The following PACRG variants were observed in gnomAD, a reference collection of about 807,000 sequenced individuals.
PACRG encodes parkin coregulated, also known as parkin coregulated gene protein.
PACRG carries 29 observed loss-of-function variants against 29.7 expected under a neutral mutation model. The ratio of observed to expected loss-of-function variants is 0.98; its 90% confidence interval spans 0.73 to 1.33. The LOEUF (loss-of-function observed/expected upper bound fraction) is 1.33. Ranked by LOEUF, PACRG falls within the 40% of genes most tolerant of loss-of-function variation. PACRG has a pLI of 0.00. For synonymous variants in PACRG, 116 were observed against 118.7 expected, an observed-to-expected ratio of 0.98 and a Z score of 0.15; for missense variants, 279 against 316.2, an observed-to-expected ratio of 0.88 and a Z score of 0.89.
At chr6:162,747,174 G>A (rs1265798593) in intron 1 of PACRG, among the ~76,000 whole-genome samples, 2 of 150,974 alleles carry the variant, frequency 1.3e-5, no homozygotes, top group Non-Finnish European at 2.9e-5. Flanking sequence ...TGCCAGCACG[G>A]CTAGAATATA....
intron 1 of PACRG, among the ~76,000 whole-genome samples, chr6:162,808,743 A>G (rs1786577398): frequency 6.6e-6 from 1 of 152,126 alleles, no homozygotes; most frequent in Admixed American, 6.5e-5. Context: ...GATTGCCCCT[A>G]CCATTCAGGC....
intron 2 of PACRG, among the ~76,000 whole-genome samples, chr6:162,981,431 C>T (rs953796288): frequency 4.0e-5 from 6 of 151,820 alleles, no homozygotes; most frequent in African/African-American, 1.5e-4. Flanking sequence ...GTTTTCATGA[C>T]TATGGCCTTA....
chr6:163,195,229 T>C (rs1780397569), intron 4 of PACRG, among the ~76,000 whole-genome samples: 1 of 152,250 alleles, frequency 6.6e-6, no homozygotes, highest in Admixed American at 6.5e-5. Flanking sequence ...ATTTGATTGT[T>C]CTCACATTTC....
intron 4 of PACRG, among the ~76,000 whole-genome samples, chr6:163,231,089 C>G (rs7744516): frequency 0.012 from 1,893 of 152,336 alleles, 41 homozygotes; most frequent in African/African-American, 0.042. Flanking sequence ...AACAGGGGCT[C>G]TCAAGATAGG....
chr6:163,101,428 GTCTT>G, intron 4 of PACRG: 12 of 946,392 alleles, frequency 1.3e-5, no homozygotes, highest in Non-Finnish European at 1.5e-5. Flanking sequence ...GTTTGTATGA[GTCTT>G]TATTTATTAT....
intron 2 of PACRG, among the ~76,000 whole-genome samples, chr6:162,833,429 C>T (rs1788948820): frequency 6.6e-6 from 1 of 152,072 alleles, no homozygotes; most frequent in South Asian, 2.1e-4. Context: ...TTCCCCTTGC[C>T]TTGATAACTT....
chr6:163,137,672 C>T (rs1816991122), intron 4 of PACRG, among the ~76,000 whole-genome samples: 1 of 152,210 alleles, frequency 6.6e-6, no homozygotes, highest in Non-Finnish European at 1.5e-5. Flanking sequence ...GCAATAATAG[C>T]TGGTGTTTCT....
Position 163,198,906 on chromosome 6 carries a change from G to T in PACRG, c.613+109498G>T, listed in dbSNP as rs184453987. On this transcript the variant is annotated intron_variant, in intron 4 of 4. Transcript: ENST00000366888. ...AAGTACACTGGTTTGGTCTGAAAAG[G>T]CAGGACAACTTGAAGCAAAGGCAGG... Among the ~76,000 whole-genome samples the T allele has an allele frequency of 3.3e-5, 5 of 152,252 alleles. No individual in the cohort carries two copies. In the East Asian group the frequency reaches 9.7e-4, roughly 29 times the overall value.
intron 2 of PACRG, among the ~76,000 whole-genome samples, chr6:163,059,219 G>A (rs1810889690): frequency 6.6e-6 from 1 of 152,048 alleles, no homozygotes; most frequent in Non-Finnish European, 1.5e-5. Context: ...TCTCTCACTC[G>A]CTCAATCTTT....
intron 2 of PACRG, among the ~76,000 whole-genome samples, chr6:163,022,219 T>C (rs553236767): frequency 6.6e-6 from 1 of 152,332 alleles, no homozygotes; most frequent in East Asian, 1.9e-4. Context: ...CTCAATAATA[T>C]ACAGTACCTG....
At chr6:163,207,023 G>T (rs772964642) in intron 4 of PACRG, among the ~76,000 whole-genome samples, 1 of 151,964 alleles carries the variant, frequency 6.6e-6, no homozygotes, top group African/African-American at 2.4e-5. Flanking sequence ...GGGACATTTC[G>T]CTAGGATTTT....
intron 4 of PACRG, among the ~76,000 whole-genome samples, chr6:163,151,760 A>T (rs1778102234): frequency 6.6e-6 from 1 of 152,212 alleles, no homozygotes; most frequent in Non-Finnish European, 1.5e-5. Context: ...AAAGAATATC[A>T]ATTATATAGC....
intron 2 of PACRG, among the ~76,000 whole-genome samples, chr6:163,027,670 C>T (rs1807260800): frequency 6.6e-6 from 1 of 152,156 alleles, no homozygotes; most frequent in Non-Finnish European, 1.5e-5. Flanking sequence ...GCTTTAACCC[C>T]AGAAGACATC....
chr6:162,767,777 C>A (rs1457138212), intron 1 of PACRG, among the ~76,000 whole-genome samples: 1 of 151,568 alleles, frequency 6.6e-6, no homozygotes, highest in African/African-American at 2.4e-5. Context: ...GGGGTTTCCC[C>A]CTCCTTTTTG....
At chr6:162,864,428 C>T (rs547660343) in intron 2 of PACRG, among the ~76,000 whole-genome samples, 1 of 152,158 alleles carries the variant, frequency 6.6e-6, no homozygotes, top group East Asian at 1.9e-4. Context: ...TCTAGGTGCT[C>T]ACACATAGCA....
At chr6:162,873,571 A>G (rs962886551) in intron 2 of PACRG, among the ~76,000 whole-genome samples, 39 of 152,308 alleles carry the variant, frequency 2.6e-4, no homozygotes, top group Middle Eastern at 6.8e-3. Flanking sequence ...TGTAAAAATC[A>G]TGTCCTGATG....
At chr6:163,094,846 CT>C (rs1379234131) in intron 4 of PACRG, among the ~76,000 whole-genome samples, 4 of 152,224 alleles carry the variant, frequency 2.6e-5, no homozygotes, top group Non-Finnish European at 5.9e-5. Context: ...CCTCTCTCAT[CT>C]AAACTACACA....
At chr6:163,287,482 G>T (rs936730591) in intron 4 of PACRG, among the ~76,000 whole-genome samples, 1 of 152,160 alleles carries the variant, frequency 6.6e-6, no homozygotes, top group African/African-American at 2.4e-5. Context: ...TGCGGAGGCT[G>T]CCCAGGCCCC....
At chr6:163,178,639 A>G (rs1486824134) in intron 4 of PACRG, among the ~76,000 whole-genome samples, 13 of 152,182 alleles carry the variant, frequency 8.5e-5, no homozygotes, top group Non-Finnish European at 1.2e-4. Context: ...AGCCAGTATT[A>G]TGTTGAATTT....
Sources: allele counts gnomAD v4.1 joint callset (sites outside exome capture counted in the v4.1 genomes callset), GRCh38; gene constraint gnomAD v4.1.1; transcripts MANE v1.5; gene names NCBI Gene and HGNC (gene_info 2026-07-23, HGNC 2026-07-21).